Variants in NPEPPS observed in about 807,000 individuals in gnomAD.
The protein encoded by NPEPPS is puromycin-sensitive aminopeptidase.
A neutral mutation model predicts 115.5 loss-of-function variants in NPEPPS; 14 were observed. That is an observed-to-expected ratio of 0.12 (90% CI 0.08 to 0.19). NPEPPS has a LOEUF of 0.19. Ranked by LOEUF, NPEPPS falls within the 10% of genes least tolerant of loss-of-function variation. The pLI is 1.00. For synonymous variants in NPEPPS, 285 were observed against 390.6 expected (o/e 0.73, Z 3.19); for missense variants, 523 against 1,110.8 (o/e 0.47, Z 7.52).
chr17:47,538,335 C>T (rs1347104961), intron 1 of NPEPPS, among the ~76,000 whole-genome samples: 2 of 149,772 alleles, frequency 1.3e-5, no homozygotes, highest in Non-Finnish European at 3.0e-5. Flanking sequence ...CTGCCTCAGC[C>T]TCCCTAGTAG....
rs952459744 is a variant in NPEPPS, at chr17:47,601,849, C to A, written c.1740+102C>A. On this transcript the variant is annotated intron_variant, in intron 15 of 22. Coordinates refer to ENST00000322157, the MANE Select transcript of NPEPPS (RefSeq NM_006310.4). ...TAGTAGTTTCAAAGAAAAAAAAAAA[C>A]CTAAACTTTTCTTTGTGAAACTTAG... The A allele has an allele frequency of 1.7e-5, 19 of 1,145,970 alleles. No homozygotes were observed. The African/African-American group carries it at 2.4e-4, about 14-fold the overall frequency. The allele number at this position is 1,145,970 out of a possible 1,614,324, so 71.0% of individuals were successfully genotyped here.
chr17:47,620,087 G>T, intron 22 of NPEPPS: 1 of 233,470 alleles, frequency 4.3e-6, no homozygotes, highest in Non-Finnish European at 8.5e-6. Flanking sequence ...GGTGGTGCAC[G>T]CCTCTAATCC....
chr17:47,596,626 A>T (rs1207692808), intron 13 of NPEPPS, among the ~76,000 whole-genome samples, 164 bp downstream of exon 13: 1 of 152,248 alleles, frequency 6.6e-6, no homozygotes, highest in Non-Finnish European at 1.5e-5. Context: ...AAAATTATAC[A>T]TGCTTAAGAG....
chr17:47,532,310 G>A (rs561167351), intron 1 of NPEPPS, among the ~76,000 whole-genome samples: 165 of 152,154 alleles, frequency 1.1e-3, no homozygotes, highest in Non-Finnish European at 1.9e-3. Context: ...TGCGGCCTTC[G>A]AAGCTGGTGG....
chr17:47,589,758 G>C (rs989820134), intron 9 of NPEPPS, among the ~76,000 whole-genome samples: 2 of 151,992 alleles, frequency 1.3e-5, no homozygotes, highest in African/African-American at 4.8e-5. Flanking sequence ...CTGCATTTTT[G>C]TTTAATTTCA....
intron 1 of NPEPPS, among the ~76,000 whole-genome samples, chr17:47,536,470 G>A (rs374423288): frequency 1.4e-5 from 2 of 138,526 alleles, no homozygotes; most frequent in Admixed American, 8.1e-5. Flanking sequence ...TCGGCTCACC[G>A]CAGCCTCTGC....
intron 12 of NPEPPS, chr17:47,596,115 T>A (rs1379872219): frequency 9.1e-6 from 3 of 329,504 alleles, no homozygotes; most frequent in Non-Finnish European, 1.7e-5. Flanking sequence ...ATTATGCCAC[T>A]GCACTCTAGC....
intron 1 of NPEPPS, among the ~76,000 whole-genome samples, chr17:47,534,317 G>C (rs1597806524): frequency 1.3e-5 from 2 of 152,210 alleles, no homozygotes; most frequent in Non-Finnish European, 2.9e-5. Context: ...CTGACCTCGT[G>C]ATCTGCCCGC....
At chr17:47,555,704 T>C (rs1192384031) in intron 2 of NPEPPS, among the ~76,000 whole-genome samples, 3 of 151,822 alleles carry the variant, frequency 2.0e-5, no homozygotes, top group Admixed American at 6.6e-5. Flanking sequence ...AAATCAATGC[T>C]TCCTTACTTT....
intron 2 of NPEPPS, among the ~76,000 whole-genome samples, chr17:47,553,341 C>G (rs1419894786): frequency 6.6e-6 from 1 of 151,212 alleles, no homozygotes; most frequent in Non-Finnish European, 1.5e-5. Flanking sequence ...CCATTGCACT[C>G]CAGCCTGGGG....
upstream of NPEPPS, among the ~76,000 whole-genome samples, chr17:47,529,737 T>TTATA (rs56043348): frequency 0.013 from 341 of 25,642 alleles, 46 homozygotes; most frequent in Admixed American, 0.016. Flanking sequence ...TTCAGTTACA[T>TTATA]TATATATATA....
Position 47,619,047 on chromosome 17 carries a change from T to G in NPEPPS, c.2442T>G (p.Gly814=). Residue 814 remains glycine (G), a synonymous_variant, in exon 21 of 23, where the codon GGT becomes GGG. Coordinates refer to ENST00000322157, the MANE Select transcript of NPEPPS (RefSeq NM_006310.4). The part of the protein sequence containing the change: ...VRPQDTVSVI[G]GVAGGSKHGR... ...CACAGGACACTGTATCGGTAATTGG[T>G]GGAGTAGCTGGAGGCAGCAAGCATG... is the stretch of plus-strand genomic sequence containing the variant. 1 of 1,613,948 alleles carries G rather than the reference T, an allele frequency of 6.2e-7. No individual in the cohort carries two copies. Among genetic ancestry groups the G allele is most frequent in the Non-Finnish European group, 8.5e-7 (1 of 1,179,864 alleles).
At chr17:47,581,022 A>G (rs1176872615) in intron 4 of NPEPPS, 1 of 152,232 alleles carries the variant, frequency 6.6e-6, no homozygotes, top group South Asian at 2.1e-4. Flanking sequence ...GCCATGAGTA[A>G]TAGGCCCAGC....
intron 12 of NPEPPS, among the ~76,000 whole-genome samples, chr17:47,594,302 CTG>C: frequency 6.6e-6 from 1 of 152,228 alleles, no homozygotes; most frequent in Non-Finnish European, 1.5e-5. Flanking sequence ...TTAGGCTACA[CTG>C]AATTTATAAA....
At chr17:47,534,547 A>T (rs1597806754) in intron 1 of NPEPPS, among the ~76,000 whole-genome samples, 1 of 151,896 alleles carries the variant, frequency 6.6e-6, no homozygotes, top group African/African-American at 2.4e-5. Flanking sequence ...AACTTAGTGG[A>T]TTTATTTTAT....
intron 1 of NPEPPS, among the ~76,000 whole-genome samples, chr17:47,536,651 T>C (rs1209876866): frequency 6.7e-6 from 1 of 148,910 alleles, no homozygotes; most frequent in Admixed American, 6.8e-5. Flanking sequence ...CACCTCAGCC[T>C]CCCAAAGTGC....
intron 2 of NPEPPS, among the ~76,000 whole-genome samples, chr17:47,564,468 TTC>T (rs1910662907): frequency 6.6e-6 from 1 of 152,086 alleles, no homozygotes; most frequent in Admixed American, 6.6e-5. Context: ...CCTTATAAGA[TTC>T]TCTCATACTC....
At chr17:47,566,055 A>G (rs1412535925) in intron 2 of NPEPPS, among the ~76,000 whole-genome samples, 1 of 152,164 alleles carries the variant, frequency 6.6e-6, no homozygotes, top group African/African-American at 2.4e-5. Context: ...GTGCAGTGGC[A>G]TGATCATGGC....
chr17:47,557,520 A>C (rs1293182756), intron 2 of NPEPPS: 1 of 149,344 alleles, frequency 6.7e-6, no homozygotes, highest in Non-Finnish European at 1.5e-5. Flanking sequence ...CTTAAAAAAA[A>C]AACAAAAAAC....
Sources: gnomAD v4.1 joint callset for allele counts (sites outside exome capture counted in the v4.1 genomes callset) on GRCh38, gnomAD v4.1.1 for gene constraint, MANE v1.5 for transcripts, NCBI Gene and HGNC (gene_info 2026-07-23, HGNC 2026-07-21) for gene names.